The following LRRC4C variants were observed in gnomAD, a reference collection of about 807,000 sequenced individuals.
LRRC4C encodes leucine rich repeat containing 4C.
LRRC4C carries 5 observed loss-of-function variants against 33.6 expected under a neutral mutation model. That is an observed-to-expected ratio of 0.15 (90% CI 0.08 to 0.31). The LOEUF is 0.31. LRRC4C is among the 10% of genes least tolerant of loss of function. The pLI, the probability that LRRC4C is intolerant of heterozygous loss-of-function variation, is 1.00. For synonymous variants in LRRC4C, 329 were observed against 302.0 expected, an observed-to-expected ratio of 1.09 and a Z score of -0.93; for missense variants, 560 against 796.7, an observed-to-expected ratio of 0.70 and a Z score of 3.58.
chr11:41,113,671 C>T (rs977206058), intron 1 of LRRC4C, among the ~76,000 whole-genome samples: 1 of 152,076 alleles, frequency 6.6e-6, no homozygotes, highest in African/African-American at 2.4e-5. Context: ...CTTCCCCAAG[C>T]CTTTGGCCCA....
chr11:41,281,102 T>TCACACACACACACACA (rs780934160), intron 1 of LRRC4C, among the ~76,000 whole-genome samples: 1 of 113,440 alleles, frequency 8.8e-6, no homozygotes, highest in African/African-American at 3.1e-5. Flanking sequence ...TCTCTCTCTC[T>TCACACACACACACACA]CTCACACACA....
chr11:40,761,209 C>G (rs996285655), intron 2 of LRRC4C, among the ~76,000 whole-genome samples: 1 of 151,994 alleles, frequency 6.6e-6, no homozygotes, highest in African/African-American at 2.4e-5. Context: ...TAGGCCTTGC[C>G]ATTTACTAGT....
chr11:40,535,161 G>T (rs948043560), intron 3 of LRRC4C, among the ~76,000 whole-genome samples: 1 of 152,042 alleles, frequency 6.6e-6, no homozygotes, highest in Admixed American at 6.5e-5. Context: ...TTCCTTGGAG[G>T]ATTTATTTCT....
chr11:40,991,971 A>G (rs1565279731), intron 1 of LRRC4C, among the ~76,000 whole-genome samples: 1 of 152,224 alleles, frequency 6.6e-6, no homozygotes, highest in Non-Finnish European at 1.5e-5. Context: ...ATAGGTCTAT[A>G]GCCCAGGGGT....
intron 1 of LRRC4C, among the ~76,000 whole-genome samples, chr11:41,106,048 C>G (rs1419930694): frequency 6.6e-6 from 1 of 151,876 alleles, no homozygotes; most frequent in African/African-American, 2.4e-5. Context: ...ACACATTTAG[C>G]CCAAAGTTAT....
intron 2 of LRRC4C, among the ~76,000 whole-genome samples, chr11:40,922,493 T>C (rs1957223607): frequency 6.6e-6 from 1 of 152,232 alleles, no homozygotes. Flanking sequence ...TTACTGCTAT[T>C]GCATTAAGAT....
chr11:41,156,826 C>T (rs1390594392), intron 1 of LRRC4C, among the ~76,000 whole-genome samples: 1 of 152,044 alleles, frequency 6.6e-6, no homozygotes, highest in African/African-American at 2.4e-5. Context: ...AGGCAGATAT[C>T]TGGCAGTGCT....
chr11:41,180,983 G>A (rs559906001), intron 1 of LRRC4C, among the ~76,000 whole-genome samples: 67 of 152,060 alleles, frequency 4.4e-4, no homozygotes, highest in Non-Finnish European at 9.1e-4. Context: ...TATTCGTGCA[G>A]ACTCAGTTAC....
At chr11:40,901,566 T>A (rs1302719506) in intron 2 of LRRC4C, among the ~76,000 whole-genome samples, 1 of 152,062 alleles carries the variant, frequency 6.6e-6, no homozygotes, top group Non-Finnish European at 1.5e-5. Context: ...GTTTTTTTTC[T>A]CCCAGAAAAT....
intron 3 of LRRC4C, among the ~76,000 whole-genome samples, chr11:40,599,949 T>A (rs1294143336): frequency 2.6e-5 from 4 of 152,114 alleles, no homozygotes; most frequent in African/African-American, 7.2e-5. Flanking sequence ...AGAGAAGAGA[T>A]CAAGGAATTT....
intron 2 of LRRC4C, among the ~76,000 whole-genome samples, chr11:40,703,979 T>G (rs1462399371): frequency 6.6e-6 from 1 of 152,200 alleles, no homozygotes; most frequent in African/African-American, 2.4e-5. Context: ...ATGGTTACCC[T>G]CCATATTCAC....
chr11:40,442,080 G>A (rs1951421118), intron 3 of LRRC4C, among the ~76,000 whole-genome samples: 2 of 143,738 alleles, frequency 1.4e-5, no homozygotes, highest in Non-Finnish European at 3.0e-5. Flanking sequence ...GGAGAACGGT[G>A]TGAACCCAGG....
At chr11:40,411,920 T>G (rs1000885884) in intron 3 of LRRC4C, among the ~76,000 whole-genome samples, 1 of 152,004 alleles carries the variant, frequency 6.6e-6, no homozygotes, top group Non-Finnish European at 1.5e-5. Context: ...CCCTATGAGA[T>G]TAGTTCTAAT....
chr11:40,805,924 CTTG>C (rs1382608180), intron 2 of LRRC4C, among the ~76,000 whole-genome samples: 1 of 152,082 alleles, frequency 6.6e-6, no homozygotes, highest in Non-Finnish European at 1.5e-5. Flanking sequence ...CAGCAGATTT[CTTG>C]TTGTTCTGTC....
intron 1 of LRRC4C, among the ~76,000 whole-genome samples, chr11:41,448,304 CTTT>C (rs35728528): frequency 8.6e-5 from 9 of 104,924 alleles, no homozygotes; most frequent in Admixed American, 2.3e-4. Context: ...TTACATAGAG[CTTT>C]TTTTTTTTTT....
chr11:40,935,003 T>G (rs1957808004), intron 1 of LRRC4C, among the ~76,000 whole-genome samples: 5 of 152,138 alleles, frequency 3.3e-5, no homozygotes, highest in Admixed American at 3.3e-4. Flanking sequence ...ATTCTTTCCC[T>G]CCTTAATTTT....
At chr11:41,167,431 A>G (rs1944780272) in intron 1 of LRRC4C, among the ~76,000 whole-genome samples, 1 of 152,182 alleles carries the variant, frequency 6.6e-6, no homozygotes, top group Non-Finnish European at 1.5e-5. Flanking sequence ...AGATCAGCAC[A>G]TTTTATTATC....
rs116295679 is a variant in LRRC4C, at chr11:40,422,162, G to T, written c.-269-102441C>A. 6.1e-3 allele frequency among the ~76,000 whole-genome samples: 934 copies of T among 152,272 alleles called. 9 individuals carry two copies. Among genetic ancestry groups the T allele is most frequent in the African/African-American group, 0.022 (896 of 41,546 alleles). ...AATACATTTCCTAGAAGAGAAATAG[G>T]AATAAGTAATAAAATTTATAAGTCC... On this transcript the variant is annotated intron_variant, in intron 3 of 6. Transcript: ENST00000528697.
At chr11:40,380,789 C>T (rs1948833629) in intron 3 of LRRC4C, among the ~76,000 whole-genome samples, 1 of 152,084 alleles carries the variant, frequency 6.6e-6, no homozygotes, top group Non-Finnish European at 1.5e-5. Context: ...TGAACAACAC[C>T]ATTAAAGCAT....
Sources: gnomAD v4.1 joint callset for allele counts (sites outside exome capture counted in the v4.1 genomes callset) on GRCh38, gnomAD v4.1.1 for gene constraint, MANE v1.5 for transcripts, NCBI Gene and HGNC (gene_info 2026-07-23, HGNC 2026-07-21) for gene names.